PI4KA: variants seen among roughly 807,000 people sequenced by gnomAD.
PI4KA encodes the protein phosphatidylinositol 4-kinase alpha, also known as PI4-kinase alpha.
Under a neutral mutation model 271.4 loss-of-function variants are expected in PI4KA, and 122 were observed. The ratio of observed to expected loss-of-function variants is 0.45; its 90% CI spans 0.39 to 0.52. The LOEUF (loss-of-function observed/expected upper bound fraction) is 0.52. PI4KA is among the 20% of genes least tolerant of loss of function. The pLI is 0.00. For synonymous variants in PI4KA, 1,041 were observed against 1,078.8 expected, an observed-to-expected ratio of 0.96 and a Z score of 0.69; for missense variants, 1,969 against 2,769.1, an observed-to-expected ratio of 0.71 and a Z score of 6.48.
chr22:20,715,728 G>C (rs918630674), intron 45 of PI4KA, among the ~76,000 whole-genome samples: 3 of 152,000 alleles, frequency 2.0e-5, no homozygotes, highest in African/African-American at 7.2e-5. Flanking sequence ...ACCCGCCTTG[G>C]CCTCCCAAAG....
intron 47 of PI4KA, among the ~76,000 whole-genome samples, chr22:20,713,948 A>C (rs912580008): frequency 2.6e-5 from 4 of 152,258 alleles, no homozygotes; most frequent in Non-Finnish European, 2.9e-5. Flanking sequence ...GGATTAGGAC[A>C]GTCCCTAATC....
At chr22:20,808,376 G>C (rs1935789714) in intron 9 of PI4KA, among the ~76,000 whole-genome samples, 1 of 151,666 alleles carries the variant, frequency 6.6e-6, no homozygotes, top group Non-Finnish European at 1.5e-5. Context: ...ACGAGATCAG[G>C]AGTTCAGGAG....
In PI4KA at chr22:20,798,569, A is replaced by G. The variant is rs996019698; in HGVS notation, c.2108+15T>C. On this transcript the variant is annotated intron_variant, in intron 17 of 54. Coordinates refer to ENST00000255882, the MANE Select transcript of PI4KA (RefSeq NM_058004.4). ...ATACTGTCATGATAAAAAAGTGACA[A>G]TGAGGTCCAGTTACCTATAGCCGTG... 9 of 1,474,876 alleles carry G rather than the reference A, an allele frequency of 6.1e-6. No homozygotes were observed. The highest frequency in any genetic ancestry group is 2.3e-5 in the South Asian group (2 of 88,318). 91.4% of individuals were successfully genotyped at this position (1,474,876 alleles called of 1,614,324 possible). A position where few individuals can be genotyped will look rare whatever the true frequency, so the allele number is the denominator to read the frequency against.
chr22:20,843,865 G>A (rs1925909403), intron 1 of PI4KA, among the ~76,000 whole-genome samples: 1 of 152,076 alleles, frequency 6.6e-6, no homozygotes, highest in Non-Finnish European at 1.5e-5. Flanking sequence ...AACACTCAGT[G>A]CACACTCCCA....
chr22:20,723,097 T>C lies in PI4KA; in HGVS notation c.4996-1679A>G, dbSNP rs565642568. Reference sequence around the variant, plus strand: ...AGGCTGGAGTGCAATCTCAGCTCACTGCAAGCTCCGCCTCCCGGGTTCACG... The same window carrying C: ...AGGCTGGAGTGCAATCTCAGCTCACCGCAAGCTCCGCCTCCCGGGTTCACG... On this transcript the variant is annotated intron_variant, in intron 42 of 54. Transcript: ENST00000255882. 8.6e-5 allele frequency among the ~76,000 whole-genome samples: 13 copies of C among 151,710 alleles called. No individual in the cohort carries two copies. In the East Asian group the frequency reaches 2.6e-3, roughly 30 times the overall value.
intron 1 of PI4KA, among the ~76,000 whole-genome samples, chr22:20,845,516 A>G (rs1926117476): frequency 6.6e-6 from 1 of 152,232 alleles, no homozygotes; most frequent in African/African-American, 2.4e-5. Flanking sequence ...TGTTAAAACC[A>G]TTTGTAATTG....
At position 20,858,743 on chromosome 22, in the gene PI4KA, C is replaced by G. The variant is rs779966633; in HGVS notation, c.-18G>C. On this transcript the variant is annotated 5_prime_UTR_variant, in exon 1 of 55. Transcript: ENST00000255882. ...GCCGCCATCACCTCACGAGCCGCGG[C>G]GCTGCCCGCCGGCTCCCCGCTCCTG... is the stretch of plus-strand genomic sequence containing the variant. 10 of 1,370,368 alleles carry G rather than the reference C, an allele frequency of 7.3e-6. No homozygotes were observed. The South Asian group carries it at 8.0e-5, about 11-fold the overall frequency. 84.9% of individuals were successfully genotyped at this position (1,370,368 alleles called of 1,614,324 possible).
At chr22:20,725,288 G>A (rs146766396) in intron 42 of PI4KA, 6 of 202,822 alleles carry the variant, frequency 3.0e-5, no homozygotes, top group South Asian at 7.1e-5. Flanking sequence ...AGGCTGGCGC[G>A]AGGGCAGAGG....
intron 9 of PI4KA, 102 bp from the exon 10 acceptor site, chr22:20,807,560 G>C: frequency 1.5e-6 from 1 of 671,036 alleles, no homozygotes; most frequent in Admixed American, 2.4e-5. Context: ...TCGTGACTTA[G>C]CATTCTAAAT....
intron 32 of PI4KA, among the ~76,000 whole-genome samples, chr22:20,741,315 T>G (rs1306466611): frequency 6.6e-6 from 1 of 152,204 alleles, no homozygotes; most frequent in Non-Finnish European, 1.5e-5. Flanking sequence ...ATGTCCACCA[T>G]GCAGGTGAGG....
At position 20,791,649 on chromosome 22, in the gene PI4KA, T is replaced by C. The variant is rs186519116; in HGVS notation, c.2328+1544A>G. 4.7e-4 allele frequency among the ~76,000 whole-genome samples: 72 copies of C among 151,944 alleles called. 1 individual carries two copies. The highest frequency in any genetic ancestry group is 1.6e-3 in the African/African-American group (68 of 41,416). The stretch of plus-strand genomic sequence containing the variant: ...GATGTGCACCTGTAGTCCCAGCTAC[T>C]TGGAAGGCTGAGGTGGGAAGATTGC... On this transcript the variant is annotated intron_variant, in intron 19 of 54. Transcript: ENST00000255882.
In PI4KA at chr22:20,765,471, A is replaced by C. The variant is rs144011435; in HGVS notation, c.2437+114T>G. The C allele has an allele frequency of 2.9e-3, 2,296 of 791,840 alleles. 37 individuals carry two copies. The East Asian group carries it at 0.035, about 12-fold the overall frequency. 49.1% of individuals were successfully genotyped at this position (791,840 alleles called of 1,614,324 possible). ...CTTGCTAATACTTGCAGAAAGAAGC[A>C]GCTGCATGTGGACTCATTTAAACAT... On this transcript the variant is annotated intron_variant, in intron 20 of 54. Transcript: ENST00000255882.
At chr22:20,722,332 G>A (rs1234100231) in intron 42 of PI4KA, among the ~76,000 whole-genome samples, 13 of 152,022 alleles carry the variant, frequency 8.6e-5, no homozygotes, top group African/African-American at 1.9e-4. Flanking sequence ...GATTACAGGC[G>A]CACACCACCA....
At position 20,714,285 on chromosome 22, in the gene PI4KA, C is replaced by T. The variant is rs537959380; in HGVS notation, c.5461+173G>A. ...CTCTGGGGTGGCACATCTGTCAGTG[C>T]ATTTGAGCTCCCTGCCATCCCCCAA... On this transcript the variant is annotated intron_variant, in intron 47 of 54. Transcript: ENST00000255882. Among the ~76,000 whole-genome samples the T allele has an allele frequency of 7.2e-5, 11 of 152,312 alleles. No homozygotes were observed. In the South Asian group the frequency reaches 2.3e-3, roughly 32 times the overall value.
chr22:20,846,963 T>A (rs1926346161), intron 1 of PI4KA, among the ~76,000 whole-genome samples: 1 of 149,530 alleles, frequency 6.7e-6, no homozygotes, highest in African/African-American at 2.5e-5. Context: ...CTGACCAACA[T>A]GATGAAACCC....
intron 19 of PI4KA, among the ~76,000 whole-genome samples, chr22:20,783,570 T>C (rs1396968791): frequency 6.6e-6 from 1 of 152,070 alleles, no homozygotes; most frequent in Non-Finnish European, 1.5e-5. Context: ...TGAGCTATGA[T>C]GGCATCGCCG....
chr22:20,858,610 G>C lies in PI4KA; in HGVS notation c.116C>G (p.Ala39Gly). 1 of 1,482,310 alleles carries C rather than the reference G, an allele frequency of 6.7e-7. No homozygotes were observed. Among genetic ancestry groups the C allele is most frequent in the African/African-American group, 1.5e-5 (1 of 68,920 alleles). The allele number at this position is 1,482,310 out of a possible 1,614,324, so 91.8% of individuals were successfully genotyped here. A position where few individuals can be genotyped will look rare whatever the true frequency, so the allele number is the denominator to read the frequency against. ...TGGTCTCTGCACCGCCAGGGAGCGGGCCAGTGACAGGACCGTGTTGAAATA... is the reference window on the plus strand; with the variant it reads ...TGGTCTCTGCACCGCCAGGGAGCGGCCCAGTGACAGGACCGTGTTGAAATA... Reference protein sequence around the residue: ...GFYFNTVLSLARSLAVQRPAS... With the variant: ...GFYFNTVLSLGRSLAVQRPAS... Residue 39 changes from alanine to glycine, a missense_variant, in exon 1 of 55, where the codon GCC (alanine) becomes GGC (glycine). Ala to Gly is a moderately conservative substitution (Grantham distance 60). Transcript: ENST00000255882.
intron 43 of PI4KA, 66 bp downstream of exon 43, chr22:20,721,232 T>A: frequency 6.4e-7 from 1 of 1,567,148 alleles, no homozygotes; most frequent in Non-Finnish European, 8.8e-7. Flanking sequence ...CCCTGGGGGC[T>A]GTAGAAGGTG....
intron 3 of PI4KA, among the ~76,000 whole-genome samples, chr22:20,829,968 T>C (rs1923940221): frequency 6.6e-6 from 1 of 152,188 alleles, no homozygotes; most frequent in Admixed American, 6.5e-5. Context: ...TTTCAGTGAT[T>C]TTCTTAGTAT....
Sources: allele counts gnomAD v4.1 joint callset (sites outside exome capture counted in the v4.1 genomes callset), GRCh38; gene constraint gnomAD v4.1.1; transcripts MANE v1.5; gene names NCBI Gene and HGNC (gene_info 2026-07-23, HGNC 2026-07-21).